NKX6-1: variants seen among roughly 807,000 people sequenced by gnomAD.
NKX6-1 encodes the protein NK6 homeobox 1.
Under a neutral mutation model 24.9 loss-of-function variants are expected in NKX6-1, and 11 were observed. The observed-to-expected ratio is 0.44, with a 90% CI of 0.28 to 0.73. The LOEUF (loss-of-function observed/expected upper bound fraction) is 0.73, where lower values mean the gene tolerates loss of function less well. Among genes scored for constraint, NKX6-1 ranks in the 30% least tolerant of loss-of-function variants. NKX6-1 has a pLI of 0.15. For synonymous variants in NKX6-1, 277 were observed against 242.9 expected (o/e 1.14, Z -1.31); for missense variants, 487 against 502.9 (o/e 0.97, Z 0.30).
In NKX6-1 at chr4:84,497,684, G is replaced by C; in HGVS notation, c.545C>G (p.Ala182Gly). The C allele has an allele frequency of 7.9e-7, 1 of 1,271,626 alleles. No homozygotes were observed. The highest frequency in any genetic ancestry group is 1.0e-6 in the Non-Finnish European group (1 of 1,004,970). 78.8% of individuals were successfully genotyped at this position (1,271,626 alleles called of 1,614,324 possible). A position where few individuals can be genotyped will look rare whatever the true frequency, so the allele number is the denominator to read the frequency against. The change falls in exon 1 of 3, where the codon GCG becomes GGG. Residue 182 changes from alanine to glycine, a missense_variant. By Grantham distance (60) the Ala-to-Gly change is moderately conservative. Transcript: ENST00000295886. This position sits in a 1 kb window ranked among gnomAD's most constrained non-coding sequence, Gnocchi z 4.8. ...PPGLYFSPSA[A>G]AVAAVGRYPK... The stretch of plus-strand genomic sequence containing the variant: ...GTACCGGCCCACGGCGGCCACGGCC[G>C]CGGCGCTGGGGCTGAAGTAGAGCCC...
At chr4:84,496,189 C>T (rs1370037507) in intron 1 of NKX6-1, among the ~76,000 whole-genome samples, 3 of 152,160 alleles carry the variant, frequency 2.0e-5, no homozygotes, top group Non-Finnish European at 4.4e-5. Context: ...CTCTCGCCTC[C>T]TAATCCAGTC....
intron 1 of NKX6-1, among the ~76,000 whole-genome samples, chr4:84,496,315 A>G (rs1720818500): frequency 6.6e-6 from 1 of 151,966 alleles, no homozygotes; most frequent in Admixed American, 6.5e-5. Context: ...TTTGCACACA[A>G]GAGAGCTAAA....
intron 1 of NKX6-1, 104 bp from the exon 2 acceptor site, chr4:84,495,948 A>G: frequency 3.4e-6 from 4 of 1,162,734 alleles, no homozygotes; most frequent in Non-Finnish European, 5.0e-6. Flanking sequence ...TTGTGGGGAA[A>G]GAAAGCTCAG....
chr4:84,494,212 T>C (rs1373216728), intron 2 of NKX6-1, among the ~76,000 whole-genome samples: 1 of 148,700 alleles, frequency 6.7e-6, no homozygotes, highest in East Asian at 2.0e-4. Context: ...AATACAAACT[T>C]CAAATCGCCT....
chr4:84,497,128 C>A lies in NKX6-1; in HGVS notation c.670+431G>T, dbSNP rs1720835494. On this transcript the variant is annotated intron_variant, in intron 1 of 2. Coordinates refer to ENST00000295886, the MANE Select transcript of NKX6-1 (RefSeq NM_006168.3). The surrounding 1 kb of genome is among the most constrained non-coding windows in gnomAD (Gnocchi z 4.8). ...TTAGGCTGGCGAAGGCGGAATGGGG[C>A]GCTGGACGACAGGGAGGAGCCGGGA... 6.6e-6 allele frequency among the ~76,000 whole-genome samples: 1 copy of A among 152,142 alleles called. No individual in the cohort carries two copies. Among genetic ancestry groups the A allele is most frequent in the African/African-American group, 2.4e-5 (1 of 41,458 alleles).
chr4:84,497,886 G>T lies in NKX6-1; in HGVS notation c.343C>A (p.Leu115Met). ...GAACCGGAGGGCGAGGCGGAGGGCAGGGCGGCCCCCGAGGCCACGGGCATG... is the reference window on the plus strand; with the variant it reads ...GAACCGGAGGGCGAGGCGGAGGGCATGGCGGCCCCCGAGGCCACGGGCATG... ...PSMPVASGAA[L>M]PSASPSGSSS... Residue 115 changes from leucine to methionine, a missense_variant, in exon 1 of 3, where the codon CTG becomes ATG. Leu to Met is a conservative substitution (Grantham distance 15). Around this residue, in one of 3 missense-constraint regions of NKX6-1, gnomAD observed 316 missense variants for 311.4 expected, o/e 1.01. Transcript: ENST00000295886. The surrounding 1 kb of genome is among the most constrained non-coding windows in gnomAD (Gnocchi z 4.8). 2 of 1,280,910 alleles carry T rather than the reference G, an allele frequency of 1.6e-6. No individual in the cohort carries two copies. The allele number at this position is 1,280,910 out of a possible 1,614,324, so 79.3% of individuals were successfully genotyped here.
intron 1 of NKX6-1, among the ~76,000 whole-genome samples, chr4:84,496,242 A>AT (rs746665259): frequency 0.045 from 6,587 of 145,774 alleles, 429 homozygotes; most frequent in African/African-American, 0.15. Context: ...GAATAACTAG[A>AT]TTTTTTTTTT....
chr4:84,497,518 G>T lies in NKX6-1; in HGVS notation c.670+41C>A. On this transcript the variant is annotated intron_variant, in intron 1 of 2. Coordinates refer to ENST00000295886, the MANE Select transcript of NKX6-1 (RefSeq NM_006168.3). This position sits in a 1 kb window ranked among gnomAD's most constrained non-coding sequence, Gnocchi z 4.8. ...CGCGACCCGGGAGTGGGCAGAACAGGCACGGCAGGCAGGCATCGGGGCGCG... is the reference window on the plus strand; with the variant it reads ...CGCGACCCGGGAGTGGGCAGAACAGTCACGGCAGGCAGGCATCGGGGCGCG... The T allele has an allele frequency of 8.0e-7, 1 of 1,252,920 alleles. No homozygotes were observed. 77.6% of individuals were successfully genotyped at this position (1,252,920 alleles called of 1,614,324 possible). A position where few individuals can be genotyped will look rare whatever the true frequency, so the allele number is the denominator to read the frequency against.
chr4:84,495,627 G>C (rs1456430406), intron 2 of NKX6-1, 45 bp downstream of exon 2: 1 of 1,561,622 alleles, frequency 6.4e-7, no homozygotes. Flanking sequence ...ACGCGCGCGC[G>C]ACAGGGGCGG....
chr4:84,498,430 CGCGGGAG>C lies in NKX6-1; in HGVS notation c.-209_-203del. On this transcript the variant is annotated 5_prime_UTR_variant, in exon 1 of 3. Coordinates refer to ENST00000295886, the MANE Select transcript of NKX6-1 (RefSeq NM_006168.3). ...GCAGCAGAGATGTCCAAACCCTCCA[CGCGGGAG>C]GCGGCAGCTCGCCGAGAAAAGCAGG... The C allele has an allele frequency of 1.0e-5, 5 of 481,736 alleles. No individual in the cohort carries two copies. The highest frequency in any genetic ancestry group is 1.2e-3 in the Middle Eastern group (2 of 1,738). 29.8% of individuals were successfully genotyped at this position (481,736 alleles called of 1,614,324 possible). A position where few individuals can be genotyped will look rare whatever the true frequency, so the allele number is the denominator to read the frequency against.
rs1720808416 is a variant in NKX6-1, at chr4:84,495,833, T to C, written c.682A>G (p.Ile228Val). Residue 228 changes from isoleucine (I) to valine (V), a missense_variant, in exon 2 of 3, where the codon ATT (isoleucine) becomes GTT (valine). Around this residue, in one of 3 missense-constraint regions of NKX6-1, gnomAD observed 45 missense variants for 86.0 expected, o/e 0.52. Coordinates refer to ENST00000295886, the MANE Select transcript of NKX6-1 (RefSeq NM_006168.3). ...CTCTTCCCGTCTTTGTCCAACAAAA[T>C]GGATCCTTGATCTGTGAGAACCAAT... ...RLACTPHQGS[I>V]LLDKDGKRKH... 1.9e-6 allele frequency: 3 copies of C among 1,613,980 alleles called. No homozygotes were observed. The highest frequency in any genetic ancestry group is 1.1e-5 in the South Asian group (1 of 91,088).
chr4:84,495,538 AG>A, intron 2 of NKX6-1, 133 bp downstream of exon 2: 1 of 805,946 alleles, frequency 1.2e-6, no homozygotes, highest in Non-Finnish European at 2.0e-6. Context: ...ACTTCTCCCC[AG>A]GCTCCTTGGA....
rs1051096469 is a variant in NKX6-1, at chr4:84,498,359, C to T, written c.-131G>A. 1.9e-6 allele frequency: 2 copies of T among 1,032,996 alleles called. No individual in the cohort carries two copies. The highest frequency in any genetic ancestry group is 2.5e-6 in the Non-Finnish European group (2 of 805,692). The allele number at this position is 1,032,996 out of a possible 1,614,324, so 64.0% of individuals were successfully genotyped here. A position where few individuals can be genotyped will look rare whatever the true frequency, so the allele number is the denominator to read the frequency against. ...CTCGGCGCGCCCGGAGGCGAGCTGC[C>T]AACTGAACCAAAAATGCCGCTGCCG... On this transcript the variant is annotated 5_prime_UTR_variant, in exon 1 of 3. Transcript: ENST00000295886.
rs762404621 is a variant in NKX6-1, at chr4:84,495,723, G to A, written c.792C>T (p.Pro264=). 5 of 1,613,080 alleles carry A rather than the reference G, an allele frequency of 3.1e-6. No homozygotes were observed. The highest frequency in any genetic ancestry group is 1.1e-5 in the South Asian group (1 of 91,022). Residue 264 remains proline, a synonymous_variant, in exon 2 of 3, where the codon CCC becomes CCT. Transcript: ENST00000295886. ...ACGAATAGGCCAAACGAGCCCTCTC[G>A]GGCCCCGCCAAGTATTTTGTTTGTT... ...TFEQTKYLAG[P]ERARLAYSLG...
In NKX6-1 at chr4:84,497,782, G is replaced by A. The variant is rs753170481; in HGVS notation, c.447C>T (p.Ala149=). ...AAAAAAAAAA[A]ASSPAGLLAG... ...CCAGCAGCCCCGCCGGGGATGAGGC[G>A]GCGGCTGCGGCCGCGGCAGCAGCCG... The change falls in exon 1 of 3, where the codon GCC becomes GCT. Residue 149 remains alanine, a synonymous_variant. Transcript: ENST00000295886. This position sits in a 1 kb window ranked among gnomAD's most constrained non-coding sequence, Gnocchi z 4.8. The A allele has an allele frequency of 2.1e-4, 261 of 1,273,060 alleles. No individual in the cohort carries two copies. The highest frequency in any genetic ancestry group is 2.5e-4 in the Non-Finnish European group (254 of 1,013,294). The allele number at this position is 1,273,060 out of a possible 1,614,324, so 78.9% of individuals were successfully genotyped here.
chr4:84,498,367 C>T lies in NKX6-1; in HGVS notation c.-139G>A, dbSNP rs1380416553. On this transcript the variant is annotated 5_prime_UTR_variant, in exon 1 of 3. Coordinates refer to ENST00000295886, the MANE Select transcript of NKX6-1 (RefSeq NM_006168.3). ...GCCCGGAGGCGAGCTGCCAACTGAACCAAAAATGCCGCTGCCGGGAGTTGC... is the reference window on the plus strand; with the variant it reads ...GCCCGGAGGCGAGCTGCCAACTGAATCAAAAATGCCGCTGCCGGGAGTTGC... 8 of 955,628 alleles carry T rather than the reference C, an allele frequency of 8.4e-6. No individual in the cohort carries two copies. The African/African-American group carries it at 1.2e-4, about 14-fold the overall frequency. The allele number at this position is 955,628 out of a possible 1,614,324, so 59.2% of individuals were successfully genotyped here.
At position 84,498,263 on chromosome 4, in the gene NKX6-1, G is replaced by T; in HGVS notation, c.-35C>A. On this transcript the variant is annotated 5_prime_UTR_variant, in exon 1 of 3. Coordinates refer to ENST00000295886, the MANE Select transcript of NKX6-1 (RefSeq NM_006168.3). Reference sequence around the variant, plus strand: ...ACGCCGGAGACCGTAGCCTTGCAGCGAGGGCGCTGGCTGGTGCCCCCCGCG... The same window carrying T: ...ACGCCGGAGACCGTAGCCTTGCAGCTAGGGCGCTGGCTGGTGCCCCCCGCG... The T allele has an allele frequency of 7.8e-7, 1 of 1,290,158 alleles. No homozygotes were observed. The highest frequency in any genetic ancestry group is 1.5e-5 in the African/African-American group (1 of 66,270). The allele number at this position is 1,290,158 out of a possible 1,614,324, so 79.9% of individuals were successfully genotyped here. A position where few individuals can be genotyped will look rare whatever the true frequency, so the allele number is the denominator to read the frequency against.
At chr4:84,495,624 C>A in intron 2 of NKX6-1, 48 bp downstream of exon 2, 1 of 1,540,052 alleles carries the variant, frequency 6.5e-7, no homozygotes, top group South Asian at 1.1e-5. Context: ...TGCACGCGCG[C>A]GCGACAGGGG....
chr4:84,495,569 TG>T, intron 2 of NKX6-1, 102 bp downstream of exon 2: 1 of 1,043,600 alleles, frequency 9.6e-7, no homozygotes, highest in Non-Finnish European at 1.4e-6. Flanking sequence ...CCCAGGCGAC[TG>T]TTTGTTAGTT....
Sources: allele counts gnomAD v4.1 joint callset (sites outside exome capture counted in the v4.1 genomes callset), GRCh38; gene constraint gnomAD v4.1.1; regional missense constraint gnomAD v4.1.1; non-coding constraint Gnocchi (gnomAD v3.1); transcripts MANE v1.5; gene names NCBI Gene and HGNC (gene_info 2026-07-23, HGNC 2026-07-21).